STAG1: variants seen among roughly 807,000 people sequenced by gnomAD.
The protein encoded by STAG1 is cohesin subunit SA-1.
Under a neutral mutation model 170.9 loss-of-function variants are expected in STAG1, and 26 were observed. The ratio of observed to expected loss-of-function variants is 0.15; its 90% confidence interval spans 0.11 to 0.21. STAG1 has a LOEUF of 0.21. Ranked by LOEUF, STAG1 falls within the 10% of genes least tolerant of loss-of-function variation. The probability of loss-of-function intolerance (pLI) is 1.00; values close to 1 mark genes in which losing one functional copy is unlikely to be tolerated. For synonymous variants in STAG1, 514 were observed against 497.7 expected (o/e 1.03, Z -0.44); for missense variants, 964 against 1,509.5 (o/e 0.64, Z 5.99).
intron 4 of STAG1, among the ~76,000 whole-genome samples, chr3:136,588,294 A>G (rs985560299): frequency 1.3e-5 from 2 of 152,018 alleles, no homozygotes; most frequent in African/African-American, 4.8e-5. Context: ...CGCCACTGCT[A>G]TATTTGACTG....
intron 1 of STAG1, among the ~76,000 whole-genome samples, chr3:136,633,962 T>TTAAAAAAAAA (rs1212800689): frequency 2.0e-5 from 1 of 50,346 alleles, no homozygotes; most frequent in Admixed American, 3.7e-4. Flanking sequence ...TGTCTCTACT[T>TTAAAAAAAAA]AAAAAAAAAA....
At chr3:136,659,676 A>T (rs1249265149) in intron 1 of STAG1, among the ~76,000 whole-genome samples, 1 of 152,228 alleles carries the variant, frequency 6.6e-6, no homozygotes, top group Admixed American at 6.5e-5. Context: ...TGGTTTGTAA[A>T]TTACTAAATG....
chr3:136,664,660 C>A (rs946506440), intron 1 of STAG1, among the ~76,000 whole-genome samples: 1 of 152,078 alleles, frequency 6.6e-6, no homozygotes, highest in Admixed American at 6.6e-5. Flanking sequence ...CTGTGCTTTA[C>A]ACACAAAAAG....
intron 5 of STAG1, among the ~76,000 whole-genome samples, chr3:136,555,620 G>A (rs957068759): frequency 6.6e-6 from 1 of 152,202 alleles, no homozygotes; most frequent in East Asian, 1.9e-4. Flanking sequence ...GGAGGCGGGG[G>A]TTGCAGTGAG....
chr3:136,690,294 T>C (rs1302058368), intron 1 of STAG1, among the ~76,000 whole-genome samples: 3 of 152,296 alleles, frequency 2.0e-5, no homozygotes, highest in African/African-American at 4.8e-5. Context: ...TGGAGTGCAG[T>C]GGCACAATCT....
At chr3:136,352,726 T>C (rs984413805) in intron 28 of STAG1, among the ~76,000 whole-genome samples, 78 of 152,338 alleles carry the variant, frequency 5.1e-4, no homozygotes, top group Non-Finnish European at 3.4e-4. Flanking sequence ...ACAAATTTCA[T>C]AGTATATTTG....
chr3:136,602,048 T>C (rs1327302994), intron 4 of STAG1, among the ~76,000 whole-genome samples: 1 of 152,108 alleles, frequency 6.6e-6, no homozygotes, highest in Non-Finnish European at 1.5e-5. Context: ...AAATTATTTT[T>C]ACATAAATAT....
chr3:136,558,500 A>C (rs1210766461), intron 5 of STAG1, among the ~76,000 whole-genome samples: 2 of 152,278 alleles, frequency 1.3e-5, no homozygotes, highest in Admixed American at 6.5e-5. Context: ...GAAAATTCTC[A>C]TGGTTAACTG....
At chr3:136,705,375 TCAAACACACACACACA>T (rs1199635490) in intron 1 of STAG1, among the ~76,000 whole-genome samples, 2 of 102,630 alleles carry the variant, frequency 1.9e-5, no homozygotes, top group Admixed American at 1.2e-4. Context: ...CACATGATCA[TCAAACACACACACACA>T]CACACACACA....
chr3:136,377,311 C>G (rs373247326), intron 23 of STAG1, among the ~76,000 whole-genome samples: 1 of 126,908 alleles, frequency 7.9e-6, no homozygotes, highest in African/African-American at 3.0e-5. Context: ...GGCGTGAACC[C>G]GGGAGGCGGA....
chr3:136,611,444 T>G (rs950158448), intron 3 of STAG1, among the ~76,000 whole-genome samples: 1 of 151,916 alleles, frequency 6.6e-6, no homozygotes, highest in Non-Finnish European at 1.5e-5. Context: ...CCATCGTGCC[T>G]GGCCATAATA....
chr3:136,732,649 A>G (rs552949075), intron 1 of STAG1, among the ~76,000 whole-genome samples: 2 of 152,272 alleles, frequency 1.3e-5, no homozygotes, highest in South Asian at 4.1e-4. Context: ...TTGCTCTGTC[A>G]CCCAGGCTAG....
At chr3:136,350,912 C>A (rs1434990274) in intron 28 of STAG1, among the ~76,000 whole-genome samples, 1 of 152,162 alleles carries the variant, frequency 6.6e-6, no homozygotes, top group Admixed American at 6.5e-5. Flanking sequence ...GGAAGTTCAA[C>A]AGAGAAAACC....
At chr3:136,488,319 C>T (rs888650977) in intron 9 of STAG1, among the ~76,000 whole-genome samples, 15 of 152,114 alleles carry the variant, frequency 9.9e-5, no homozygotes, top group African/African-American at 2.4e-4. Context: ...AACAGGGTTT[C>T]GCCATGTTAG....
chr3:136,696,002 A>C (rs764883561), intron 1 of STAG1, among the ~76,000 whole-genome samples: 1 of 152,216 alleles, frequency 6.6e-6, no homozygotes, highest in Admixed American at 6.5e-5. Context: ...GAATATATAA[A>C]AACAGAATTG....
chr3:136,407,681 C>T (rs1419936588), intron 21 of STAG1, among the ~76,000 whole-genome samples: 2 of 152,032 alleles, frequency 1.3e-5, no homozygotes, highest in Non-Finnish European at 2.9e-5. Context: ...AAGCTGGTCT[C>T]GAACTCCTGA....
At chr3:136,736,778 T>C in intron 1 of STAG1, 3 of 1,597,808 alleles carry the variant, frequency 1.9e-6, no homozygotes, top group Non-Finnish European at 2.6e-6. Context: ...TACAGCTTGT[T>C]TGAACAGCTC....
intron 1 of STAG1, among the ~76,000 whole-genome samples, chr3:136,660,272 G>C (rs1048592650): frequency 3.9e-5 from 6 of 152,150 alleles, no homozygotes; most frequent in Admixed American, 2.0e-4. Context: ...TCCACAGTGT[G>C]CAATTCTGCA....
intron 7 of STAG1, among the ~76,000 whole-genome samples, chr3:136,505,770 A>C (rs1002212402): frequency 1.3e-5 from 2 of 152,196 alleles, no homozygotes; most frequent in Non-Finnish European, 2.9e-5. Flanking sequence ...TCAGTTAATG[A>C]TTAAGGGGGT....
Sources: allele counts gnomAD v4.1 joint callset (sites outside exome capture counted in the v4.1 genomes callset), GRCh38; gene constraint gnomAD v4.1.1; transcripts MANE v1.5; gene names NCBI Gene and HGNC (gene_info 2026-07-23, HGNC 2026-07-21).